ADAMTS12: variants seen among roughly 807,000 people sequenced by gnomAD.
ADAMTS12 encodes A disintegrin and metalloproteinase with thrombospondin motifs 12.
A neutral mutation model predicts 167.8 loss-of-function variants in ADAMTS12; 118 were observed. That is an observed-to-expected ratio of 0.70 (90% CI 0.61 to 0.82). ADAMTS12 has a LOEUF of 0.82. ADAMTS12 is among the 40% of genes least tolerant of loss of function. ADAMTS12 has a pLI of 0.00. For synonymous variants in ADAMTS12, 704 were observed against 716.9 expected, an observed-to-expected ratio of 0.98 and a Z score of 0.29; for missense variants, 1,916 against 1,998.8, an observed-to-expected ratio of 0.96 and a Z score of 0.79.
At chr5:33,665,516 A>G (rs1741434319) in intron 5 of ADAMTS12, among the ~76,000 whole-genome samples, 1 of 152,238 alleles carries the variant, frequency 6.6e-6, no homozygotes, top group Non-Finnish European at 1.5e-5. Context: ...ATTTTTATCA[A>G]TTAAAAATAA....
chr5:33,687,265 A>G (rs1041272036), intron 3 of ADAMTS12, among the ~76,000 whole-genome samples: 4 of 152,160 alleles, frequency 2.6e-5, no homozygotes, highest in African/African-American at 9.7e-5. Context: ...AGCACTTATG[A>G]AAGTTCAGGT....
At chr5:33,857,170 C>T (rs1006240703) in intron 2 of ADAMTS12, among the ~76,000 whole-genome samples, 13 of 152,200 alleles carry the variant, frequency 8.5e-5, no homozygotes, top group African/African-American at 2.9e-4. Flanking sequence ...TGCAGAAAGA[C>T]AAATACGGCA....
chr5:33,544,670 A>T (rs185983292), intron 22 of ADAMTS12, among the ~76,000 whole-genome samples: 2 of 152,292 alleles, frequency 1.3e-5, no homozygotes, highest in Non-Finnish European at 2.9e-5. Context: ...AGATATATAG[A>T]CCAAAAGAAC....
intron 3 of ADAMTS12, among the ~76,000 whole-genome samples, chr5:33,687,868 T>C (rs1742393068): frequency 6.6e-6 from 1 of 152,326 alleles, no homozygotes; most frequent in South Asian, 2.1e-4. Context: ...CAGCTAGTTC[T>C]TTGGGTCAGG....
intron 2 of ADAMTS12, among the ~76,000 whole-genome samples, chr5:33,802,970 T>C (rs1747066698): frequency 6.6e-6 from 1 of 152,030 alleles, no homozygotes; most frequent in African/African-American, 2.4e-5. Context: ...CAAACACAAG[T>C]GAAAAACAAC....
chr5:33,650,413 T>C (rs1238204852), intron 7 of ADAMTS12, among the ~76,000 whole-genome samples: 1 of 152,244 alleles, frequency 6.6e-6, no homozygotes, highest in Non-Finnish European at 1.5e-5. Flanking sequence ...TAATAAGGGC[T>C]TCACCAAGGA....
At position 33,529,927 on chromosome 5, in the gene ADAMTS12, C is replaced by T. The variant is rs143303691; in HGVS notation, c.4607-2561G>A. Among the ~76,000 whole-genome samples the T allele has an allele frequency of 7.2e-5, 11 of 152,084 alleles. No individual in the cohort carries two copies. In the East Asian group the frequency reaches 2.1e-3, roughly 29 times the overall value. On this transcript the variant is annotated intron_variant, in intron 23 of 23. Coordinates refer to ENST00000504830, the MANE Select transcript of ADAMTS12 (RefSeq NM_030955.4). ...TTGGGAGTTTCAGAGAGAGAGTACA[C>T]GTTTTTGTATTTTGAGACGGTTCCC...
chr5:33,878,327 G>T (rs980855397), intron 2 of ADAMTS12, among the ~76,000 whole-genome samples: 5 of 151,884 alleles, frequency 3.3e-5, no homozygotes, highest in African/African-American at 1.2e-4. Flanking sequence ...TGTGTAAAAG[G>T]TTCCAAAATA....
Position 33,852,041 on chromosome 5 carries a change from C to T in ADAMTS12, c.489+29078G>A, listed in dbSNP as rs1251397926. Among the ~76,000 whole-genome samples the T allele has an allele frequency of 2.0e-5, 3 of 152,302 alleles. No individual in the cohort carries two copies. The East Asian group carries it at 5.8e-4, about 29-fold the overall frequency. ...AAAAGATAAGAGACCACTGACTATT[C>T]CTAAGCCTTATATTATCTAACAGTT... is the stretch of plus-strand genomic sequence containing the variant. On this transcript the variant is annotated intron_variant, in intron 2 of 23. Transcript: ENST00000504830.
intron 3 of ADAMTS12, among the ~76,000 whole-genome samples, chr5:33,719,677 A>G (rs570666842): frequency 6.6e-6 from 1 of 152,328 alleles, no homozygotes; most frequent in East Asian, 1.9e-4. Context: ...TGTTTTATCC[A>G]TAGGACAACT....
chr5:33,724,841 G>A (rs1253686265), intron 3 of ADAMTS12, among the ~76,000 whole-genome samples: 2 of 152,218 alleles, frequency 1.3e-5, no homozygotes, highest in South Asian at 2.1e-4. Context: ...GTGAGCCACC[G>A]CACCCGGCCA....
intron 9 of ADAMTS12, among the ~76,000 whole-genome samples, chr5:33,647,964 G>A (rs1015244573): frequency 1.3e-5 from 2 of 152,130 alleles, no homozygotes; most frequent in African/African-American, 2.4e-5. Context: ...TGAGCTCCTC[G>A]AGGGCAGAGA....
intron 2 of ADAMTS12, among the ~76,000 whole-genome samples, chr5:33,868,210 G>A (rs1308541480): frequency 6.6e-6 from 1 of 152,146 alleles, no homozygotes; most frequent in Admixed American, 6.6e-5. Flanking sequence ...TAGAAAATTG[G>A]TACTTAGAAG....
chr5:33,828,610 C>T (rs1001254071), intron 2 of ADAMTS12, among the ~76,000 whole-genome samples: 3 of 152,180 alleles, frequency 2.0e-5, no homozygotes, highest in Non-Finnish European at 2.9e-5. Context: ...CACACTTTTA[C>T]CTTTCACGTT....
chr5:33,708,652 T>C (rs1217262338), intron 3 of ADAMTS12, among the ~76,000 whole-genome samples: 1 of 152,146 alleles, frequency 6.6e-6, no homozygotes, highest in Non-Finnish European at 1.5e-5. Context: ...TGCAGGGACA[T>C]GGATGAAGCT....
In ADAMTS12 at chr5:33,561,233, T is replaced by A. The variant is rs968106356; in HGVS notation, c.3973-54A>T. On this transcript the variant is annotated intron_variant, in intron 19 of 23. Coordinates refer to ENST00000504830, the MANE Select transcript of ADAMTS12 (RefSeq NM_030955.4). ...AGGCTGAGTGTCACCTTCTCACACA[T>A]GCCCCATCACTGGGATCCTGGAGTC... 2.5e-6 allele frequency: 4 copies of A among 1,588,920 alleles called. No homozygotes were observed. The African/African-American group carries it at 5.4e-5, about 21-fold the overall frequency.
chr5:33,857,956 C>T (rs1031500204), intron 2 of ADAMTS12, among the ~76,000 whole-genome samples: 1 of 152,136 alleles, frequency 6.6e-6, no homozygotes, highest in African/African-American at 2.4e-5. Flanking sequence ...GACAGAACAA[C>T]TAGACAGAAA....
intron 22 of ADAMTS12, among the ~76,000 whole-genome samples, chr5:33,536,482 C>T (rs1318603683): frequency 6.6e-6 from 1 of 152,216 alleles, no homozygotes; most frequent in African/African-American, 2.4e-5. Flanking sequence ...CTTTGTCCTT[C>T]TGGGTTTGTG....
chr5:33,837,332 G>C (rs909281424), intron 2 of ADAMTS12, among the ~76,000 whole-genome samples: 4 of 152,236 alleles, frequency 2.6e-5, no homozygotes, highest in African/African-American at 4.8e-5. Context: ...TGGAAGGACT[G>C]AGTGGCAATG....
Sources: allele counts gnomAD v4.1 joint callset (sites outside exome capture counted in the v4.1 genomes callset), GRCh38; gene constraint gnomAD v4.1.1; transcripts MANE v1.5; gene names NCBI Gene and HGNC (gene_info 2026-07-23, HGNC 2026-07-21).